SLC4A4: variants seen among roughly 807,000 people sequenced by gnomAD.
The protein encoded by SLC4A4 is electrogenic sodium bicarbonate cotransporter 1.
Under a neutral mutation model 111.5 loss-of-function variants are expected in SLC4A4, and 27 were observed. The observed-to-expected ratio is 0.24, with a 90% confidence interval of 0.18 to 0.33. The LOEUF (loss-of-function observed/expected upper bound fraction) is 0.33. SLC4A4 is among the 10% of genes least tolerant of loss of function. The pLI is 1.00. For missense variants in SLC4A4, 909 were observed against 1,315.5 expected, an observed-to-expected ratio of 0.69 and a Z score of 4.78; for synonymous variants, 443 against 463.4, an observed-to-expected ratio of 0.96 and a Z score of 0.57.
At chr4:71,072,188 T>C (rs1741684634) in intron 1 of SLC4A4, among the ~76,000 whole-genome samples, 1 of 152,216 alleles carries the variant, frequency 6.6e-6, no homozygotes, top group African/African-American at 2.4e-5. Flanking sequence ...AATTATTTCC[T>C]ATTTCTAATG....
intron 12 of SLC4A4, among the ~76,000 whole-genome samples, chr4:71,458,930 A>G (rs927350863): frequency 6.6e-6 from 1 of 152,200 alleles, no homozygotes; most frequent in South Asian, 2.1e-4. Context: ...AACATATTCC[A>G]GTTTCAAAGT....
At chr4:71,177,157 C>A (rs893922735) in intron 2 of SLC4A4, among the ~76,000 whole-genome samples, 11 of 152,094 alleles carry the variant, frequency 7.2e-5, no homozygotes, top group Non-Finnish European at 1.5e-4. Context: ...CAGGCCTGCC[C>A]TAAAAGAGCT....
intron 5 of SLC4A4, among the ~76,000 whole-genome samples, chr4:71,354,153 C>T (rs1019783476): frequency 2.0e-5 from 3 of 151,944 alleles, no homozygotes; most frequent in Non-Finnish European, 4.4e-5. Flanking sequence ...ACGTATGAAG[C>T]CGAGTCTATG....
At chr4:71,156,573 T>TGCGCGC (rs771841334) in intron 2 of SLC4A4, among the ~76,000 whole-genome samples, 1,370 of 85,562 alleles carry the variant, frequency 0.016, 18 homozygotes, top group Middle Eastern at 0.066. Context: ...TGTGCGCGCA[T>TGCGCGC]GCGCGCGCGC....
At chr4:71,410,897 G>T (rs1279351315) in intron 7 of SLC4A4, among the ~76,000 whole-genome samples, 1 of 152,126 alleles carries the variant, frequency 6.6e-6, no homozygotes, top group Non-Finnish European at 1.5e-5. Context: ...CCAGCCTGTG[G>T]TAGTGCATTA....
intron 2 of SLC4A4, among the ~76,000 whole-genome samples, chr4:71,177,568 A>C (rs1173937701): frequency 6.6e-6 from 1 of 152,228 alleles, no homozygotes; most frequent in Non-Finnish European, 1.5e-5. Flanking sequence ...AACAGAGATC[A>C]AAAGAGACAA....
chr4:71,446,505 G>C (rs1244274069), intron 8 of SLC4A4, among the ~76,000 whole-genome samples: 4 of 152,132 alleles, frequency 2.6e-5, no homozygotes, highest in African/African-American at 9.7e-5. Context: ...GTGGTGAAAA[G>C]AACAGGAGGT....
intron 7 of SLC4A4, among the ~76,000 whole-genome samples, chr4:71,426,174 A>T (rs920595156): frequency 2.6e-5 from 4 of 151,996 alleles, no homozygotes; most frequent in Non-Finnish European, 4.4e-5. Context: ...TCTCTGTTTC[A>T]ATGTTAATGC....
At chr4:71,502,925 G>A (rs926355549) in intron 16 of SLC4A4, among the ~76,000 whole-genome samples, 1 of 152,054 alleles carries the variant, frequency 6.6e-6, no homozygotes, top group Non-Finnish European at 1.5e-5. Context: ...TGAAAATGGG[G>A]TATTGAAATT....
intron 1 of SLC4A4, among the ~76,000 whole-genome samples, chr4:71,233,611 A>G (rs958334811): frequency 1.3e-5 from 2 of 152,080 alleles, no homozygotes; most frequent in African/African-American, 2.4e-5. Context: ...TTGGTTTCCT[A>G]ATTTTTATCT....
chr4:71,340,346 C>T (rs912217948), intron 4 of SLC4A4, among the ~76,000 whole-genome samples: 1 of 152,138 alleles, frequency 6.6e-6, no homozygotes, highest in African/African-American at 2.4e-5. Flanking sequence ...CTGTACAGTA[C>T]AGTAAGATAT....
At chr4:71,291,011 A>C (rs1227752119) in intron 3 of SLC4A4, among the ~76,000 whole-genome samples, 1 of 152,246 alleles carries the variant, frequency 6.6e-6, no homozygotes, top group Non-Finnish European at 1.5e-5. Flanking sequence ...TGGAGGCACC[A>C]AAGAATTTTG....
At chr4:71,564,878 A>T (rs1198268856) in intron 24 of SLC4A4, among the ~76,000 whole-genome samples, 1 of 151,868 alleles carries the variant, frequency 6.6e-6, no homozygotes, top group Non-Finnish European at 1.5e-5. Context: ...AAAAGAACAA[A>T]CATGTTTTCT....
intron 11 of SLC4A4, 136 bp from the exon 12 acceptor site, chr4:71,453,359 G>C (rs966189263): frequency 1.1e-6 from 1 of 894,152 alleles, no homozygotes. Context: ...TGGTTTCATC[G>C]TAAGTGGTTA....
At chr4:71,501,690 C>T (rs1730943174) in intron 16 of SLC4A4, among the ~76,000 whole-genome samples, 1 of 151,576 alleles carries the variant, frequency 6.6e-6, no homozygotes, top group Admixed American at 6.6e-5. Flanking sequence ...GAGACAGAGT[C>T]CCTCTCTGTC....
intron 2 of SLC4A4, among the ~76,000 whole-genome samples, chr4:71,106,973 C>T (rs1470127187): frequency 6.7e-6 from 1 of 149,286 alleles, no homozygotes; most frequent in East Asian, 1.9e-4. Flanking sequence ...TGTAAAGAGA[C>T]TAAAAATACA....
intron 2 of SLC4A4, among the ~76,000 whole-genome samples, chr4:71,097,882 C>T (rs938866465): frequency 5.9e-5 from 9 of 151,880 alleles, no homozygotes; most frequent in South Asian, 2.1e-4. Flanking sequence ...AAGTTTTTCT[C>T]GTATATTTGT....
At chr4:71,538,897 G>A (rs1270556218) in intron 18 of SLC4A4, among the ~76,000 whole-genome samples, 1 of 151,982 alleles carries the variant, frequency 6.6e-6, no homozygotes, top group Non-Finnish European at 1.5e-5. Flanking sequence ...TTCCTTTAAG[G>A]TCATTCCCTG....
chr4:71,130,386 T>A (rs1743670707), intron 2 of SLC4A4, among the ~76,000 whole-genome samples: 1 of 152,106 alleles, frequency 6.6e-6, no homozygotes, highest in South Asian at 2.1e-4. Flanking sequence ...TGTGCCTCCA[T>A]GCTGGCTAAT....
Sources: allele counts gnomAD v4.1 joint callset (sites outside exome capture counted in the v4.1 genomes callset), GRCh38; gene constraint gnomAD v4.1.1; transcripts MANE v1.5; gene names NCBI Gene and HGNC (gene_info 2026-07-23, HGNC 2026-07-21).